The following PPP3CA variants were observed in gnomAD, a reference collection of about 807,000 sequenced individuals.
PPP3CA encodes CAM-PRP catalytic subunit.
PPP3CA carries 14 observed loss-of-function variants against 66.5 expected under a neutral mutation model. The observed-to-expected ratio is 0.21, with a 90% CI of 0.14 to 0.33. The LOEUF is 0.33. Among genes scored for constraint, PPP3CA ranks in the 10% least tolerant of loss-of-function variants. The pLI is 1.00. For missense variants in PPP3CA, 317 were observed against 639.5 expected (o/e 0.50, Z 5.44); for synonymous variants, 232 against 226.2 (o/e 1.03, Z -0.23).
At chr4:101,100,421 A>G (rs1386158289) in intron 3 of PPP3CA, among the ~76,000 whole-genome samples, 1 of 152,120 alleles carries the variant, frequency 6.6e-6, no homozygotes, top group African/African-American at 2.4e-5. Context: ...ATCATTAATC[A>G]TATTGTACTA....
chr4:101,115,503 A>G (rs1721812715), intron 2 of PPP3CA, among the ~76,000 whole-genome samples: 1 of 151,970 alleles, frequency 6.6e-6, no homozygotes, highest in South Asian at 2.1e-4. Flanking sequence ...ATAAATATAT[A>G]TTATAATTTG....
intron 2 of PPP3CA, among the ~76,000 whole-genome samples, chr4:101,127,611 C>A (rs1435972572): frequency 6.6e-6 from 1 of 152,100 alleles, no homozygotes; most frequent in African/African-American, 2.4e-5. Context: ...AGGCTTCTGG[C>A]CTCCAGAACT....
chr4:101,310,538 G>A (rs1728689419), intron 1 of PPP3CA, among the ~76,000 whole-genome samples: 1 of 152,114 alleles, frequency 6.6e-6, no homozygotes, highest in African/African-American at 2.4e-5. Context: ...TCTCCCAGGA[G>A]TGGTGTCACC....
At chr4:101,277,268 A>C (rs980514823) in intron 1 of PPP3CA, among the ~76,000 whole-genome samples, 3 of 152,132 alleles carry the variant, frequency 2.0e-5, no homozygotes, top group African/African-American at 7.2e-5. Context: ...ATACCTCATC[A>C]TATGGATGTA....
At chr4:101,276,654 C>A (rs1727503537) in intron 1 of PPP3CA, among the ~76,000 whole-genome samples, 1 of 152,114 alleles carries the variant, frequency 6.6e-6, no homozygotes, top group Non-Finnish European at 1.5e-5. Flanking sequence ...ATTTATCAGA[C>A]ATCCACTATG....
At chr4:101,188,274 T>C (rs1344248778) in intron 2 of PPP3CA, among the ~76,000 whole-genome samples, 2 of 152,122 alleles carry the variant, frequency 1.3e-5, no homozygotes, top group African/African-American at 4.8e-5. Context: ...TTGACATCTA[T>C]TTATATGAAG....
At chr4:101,250,542 A>G (rs1162732979) in intron 1 of PPP3CA, among the ~76,000 whole-genome samples, 1 of 152,204 alleles carries the variant, frequency 6.6e-6, no homozygotes, top group Admixed American at 6.5e-5. Flanking sequence ...TCTATAACTC[A>G]GATGACATTC....
chr4:101,107,273 T>C (rs1215094635), intron 3 of PPP3CA, among the ~76,000 whole-genome samples: 2 of 152,242 alleles, frequency 1.3e-5, no homozygotes, highest in African/African-American at 4.8e-5. Flanking sequence ...CACAAGGTTT[T>C]AATAATCCAT....
chr4:101,143,948 A>C (rs548637610), intron 2 of PPP3CA, among the ~76,000 whole-genome samples: 2 of 152,314 alleles, frequency 1.3e-5, no homozygotes, highest in East Asian at 3.9e-4. Context: ...TGATGGCATC[A>C]CCATCTATCA....
At chr4:101,335,394 A>G (rs1034029267) in intron 1 of PPP3CA, among the ~76,000 whole-genome samples, 4 of 152,004 alleles carry the variant, frequency 2.6e-5, no homozygotes, top group Non-Finnish European at 5.9e-5. Context: ...AAAAGCAAAT[A>G]AAGGGGGCAT....
At chr4:101,027,617 T>A (rs1726719383) in intron 13 of PPP3CA, among the ~76,000 whole-genome samples, 1 of 152,196 alleles carries the variant, frequency 6.6e-6, no homozygotes, top group African/African-American at 2.4e-5. Flanking sequence ...AAGAATAGCA[T>A]GAAGTGGTAC....
chr4:101,277,453 A>C (rs1177840612), intron 1 of PPP3CA, among the ~76,000 whole-genome samples: 1 of 152,168 alleles, frequency 6.6e-6, no homozygotes, highest in Non-Finnish European at 1.5e-5. Flanking sequence ...TTAACACTTG[A>C]TTTGTTTAAA....
chr4:101,237,530 G>T (rs1373618856), intron 1 of PPP3CA, among the ~76,000 whole-genome samples: 1 of 152,028 alleles, frequency 6.6e-6, no homozygotes, highest in East Asian at 1.9e-4. Flanking sequence ...GTATTTTTAA[G>T]TATTTTACCT....
chr4:101,084,298 C>T (rs1452536620), intron 6 of PPP3CA, among the ~76,000 whole-genome samples: 2 of 152,112 alleles, frequency 1.3e-5, no homozygotes, highest in Non-Finnish European at 2.9e-5. Context: ...TTCTGTGTTA[C>T]ACATTTTGTA....
At chr4:101,045,100 G>C (rs1036933209) in intron 10 of PPP3CA, among the ~76,000 whole-genome samples, 2 of 152,220 alleles carry the variant, frequency 1.3e-5, no homozygotes, top group African/African-American at 2.4e-5. Flanking sequence ...GTAGTGTGCA[G>C]AAAGTGTTAT....
intron 6 of PPP3CA, among the ~76,000 whole-genome samples, chr4:101,086,586 T>C (rs1187881705): frequency 6.6e-6 from 1 of 152,144 alleles, no homozygotes; most frequent in Non-Finnish European, 1.5e-5. Context: ...ATACTTTCCC[T>C]GTGCAGTTTT....
chr4:101,064,874 C>A (rs1344123486), intron 8 of PPP3CA, among the ~76,000 whole-genome samples: 1 of 151,946 alleles, frequency 6.6e-6, no homozygotes. Flanking sequence ...TGTAGCCTAA[C>A]AATATGTTGA....
At position 101,347,083 on chromosome 4, in the gene PPP3CA, C is replaced by T; in HGVS notation, c.-287G>A. On this transcript the variant is annotated 5_prime_UTR_variant, in exon 1 of 14. Transcript: ENST00000394854. ...GTTATTTATTTATTTTCTGAGCACGCCTCCCGGTTCTTCTTTTATTCTTGG... is the reference window on the plus strand; with the variant it reads ...GTTATTTATTTATTTTCTGAGCACGTCTCCCGGTTCTTCTTTTATTCTTGG... The T allele has an allele frequency of 1.8e-6, 1 of 542,174 alleles. No homozygotes were observed. Among genetic ancestry groups the T allele is most frequent in the Non-Finnish European group, 3.3e-6 (1 of 305,968 alleles). 33.6% of individuals were successfully genotyped at this position (542,174 alleles called of 1,614,324 possible).
chr4:101,267,943 A>C (rs954870203), intron 1 of PPP3CA, among the ~76,000 whole-genome samples: 2 of 152,236 alleles, frequency 1.3e-5, no homozygotes, highest in Admixed American at 1.3e-4. Context: ...CTTTTCAGGG[A>C]CTATATTTGA....
Sources: gnomAD v4.1 joint callset for allele counts (sites outside exome capture counted in the v4.1 genomes callset) on GRCh38, gnomAD v4.1.1 for gene constraint, MANE v1.5 for transcripts, NCBI Gene and HGNC (gene_info 2026-07-23, HGNC 2026-07-21) for gene names.